The following CNBD1 variants were observed in gnomAD, a reference collection of about 807,000 sequenced individuals.
CNBD1 encodes cyclic nucleotide binding domain containing 1.
In CNBD1, 71 loss-of-function variants were observed where a neutral mutation model predicts 54.4. The observed-to-expected ratio is 1.30, with a 90% CI of 1.08 to 1.59. CNBD1 has a LOEUF of 1.59. Ranked by LOEUF, CNBD1 falls within the 40% of genes most tolerant of loss-of-function variation. CNBD1 has a pLI of 0.00. For synonymous variants in CNBD1, 182 were observed against 170.7 expected, an observed-to-expected ratio of 1.07 and a Z score of -0.51; for missense variants, 659 against 518.0, an observed-to-expected ratio of 1.27 and a Z score of -2.64.
intron 4 of CNBD1, among the ~76,000 whole-genome samples, chr8:87,174,194 G>C (rs1000848390): frequency 6.6e-6 from 1 of 151,942 alleles, no homozygotes; most frequent in Non-Finnish European, 1.5e-5. Flanking sequence ...TCTTGACCTC[G>C]TTATCTGCCC....
chr8:87,215,128 TATA>T (rs1242719654), intron 5 of CNBD1, among the ~76,000 whole-genome samples: 1 of 152,176 alleles, frequency 6.6e-6, no homozygotes, highest in African/African-American at 2.4e-5. Flanking sequence ...TGCATATCAT[TATA>T]ATAGAAAATT....
chr8:87,202,056 A>G (rs377232224), intron 4 of CNBD1, among the ~76,000 whole-genome samples: 9 of 152,364 alleles, frequency 5.9e-5, no homozygotes, highest in African/African-American at 2.2e-4. Context: ...AAATATATGT[A>G]GGCAAATATA....
intron 4 of CNBD1, among the ~76,000 whole-genome samples, chr8:86,972,026 C>G (rs1382739467): frequency 1.3e-5 from 2 of 151,900 alleles, no homozygotes; most frequent in Non-Finnish European, 2.9e-5. Context: ...GATCTCGGCT[C>G]ACTGCAACCT....
At chr8:87,342,309 ACT>A (rs1810081962) in intron 8 of CNBD1, among the ~76,000 whole-genome samples, 1 of 151,390 alleles carries the variant, frequency 6.6e-6, no homozygotes, top group Non-Finnish European at 1.5e-5. Context: ...TCATCTGTGT[ACT>A]CTTGTTGAAT....
chr8:87,261,736 T>A (rs187409682), intron 6 of CNBD1, among the ~76,000 whole-genome samples: 1 of 152,252 alleles, frequency 6.6e-6, no homozygotes, highest in East Asian at 1.9e-4. Context: ...TTTTCAGTCT[T>A]GTCTGACTAT....
At chr8:87,367,478 C>G (rs757540401) in intron 10 of CNBD1, among the ~76,000 whole-genome samples, 4 of 152,056 alleles carry the variant, frequency 2.6e-5, no homozygotes, top group African/African-American at 4.8e-5. Context: ...CTATCAGTCT[C>G]TATTCTCAAC....
intron 5 of CNBD1, among the ~76,000 whole-genome samples, chr8:87,221,074 G>C (rs1814324928): frequency 6.6e-6 from 1 of 151,864 alleles, no homozygotes; most frequent in South Asian, 2.1e-4. Context: ...GGTGTTTCTT[G>C]TCACTTTTCT....
chr8:87,108,105 AATAG>A (rs1303525207), intron 4 of CNBD1, among the ~76,000 whole-genome samples: 2 of 152,192 alleles, frequency 1.3e-5, no homozygotes, highest in African/African-American at 4.8e-5. Flanking sequence ...TAGTTTTGAA[AATAG>A]ATAGTTCCTG....
At chr8:87,223,375 A>G (rs893519629) in intron 5 of CNBD1, among the ~76,000 whole-genome samples, 3 of 151,246 alleles carry the variant, frequency 2.0e-5, no homozygotes, top group Non-Finnish European at 2.9e-5. Flanking sequence ...ATATCTCCCA[A>G]TGCTATCCCT....
chr8:87,006,970 G>T (rs1158834880), intron 4 of CNBD1, among the ~76,000 whole-genome samples: 1 of 152,212 alleles, frequency 6.6e-6, no homozygotes, highest in Non-Finnish European at 1.5e-5. Flanking sequence ...GCCAAGATAG[G>T]TGGATCACCT....
intron 6 of CNBD1, among the ~76,000 whole-genome samples, chr8:87,267,289 T>A (rs72666810): frequency 0.23 from 34,912 of 151,964 alleles, 4,680 homozygotes; most frequent in Admixed American, 0.33. Flanking sequence ...AAATAATTTG[T>A]ACATTTAAAA....
intron 6 of CNBD1, among the ~76,000 whole-genome samples, chr8:87,241,696 A>G (rs1807712150): frequency 6.6e-6 from 1 of 152,194 alleles, no homozygotes; most frequent in Non-Finnish European, 1.5e-5. Context: ...CAGGGAATAC[A>G]CAGTGATTAA....
chr8:87,361,112 T>A (rs914577396), intron 10 of CNBD1, among the ~76,000 whole-genome samples: 1 of 151,982 alleles, frequency 6.6e-6, no homozygotes, highest in Non-Finnish European at 1.5e-5. Context: ...TTTGCGTTTT[T>A]GCATTGTGAT....
intron 6 of CNBD1, among the ~76,000 whole-genome samples, chr8:87,239,097 C>T (rs1807637752): frequency 6.6e-6 from 1 of 152,072 alleles, no homozygotes; most frequent in East Asian, 1.9e-4. Context: ...AGCTGGCTGG[C>T]AGGCAGTTAA....
chr8:86,886,024 T>G (rs1339930818), intron 1 of CNBD1, among the ~76,000 whole-genome samples: 1 of 152,200 alleles, frequency 6.6e-6, no homozygotes, highest in Non-Finnish European at 1.5e-5. Context: ...TAAAGAATAT[T>G]TACTTTTTTA....
intron 4 of CNBD1, among the ~76,000 whole-genome samples, chr8:87,105,413 T>C (rs1811513286): frequency 6.6e-6 from 1 of 152,214 alleles, no homozygotes; most frequent in African/African-American, 2.4e-5. Context: ...GATAATGGTA[T>C]GATCTTAGGG....
intron 2 of CNBD1, among the ~76,000 whole-genome samples, chr8:87,388,370 G>GA (rs929861826): frequency 7.7e-6 from 1 of 130,530 alleles, no homozygotes; most frequent in African/African-American, 3.1e-5. Context: ...GACTAATGAA[G>GA]AAAAAAGAGA....
intron 8 of CNBD1, among the ~76,000 whole-genome samples, chr8:87,330,190 C>A (rs1442554725): frequency 1.4e-5 from 2 of 145,600 alleles, no homozygotes; most frequent in Non-Finnish European, 3.0e-5. Flanking sequence ...AGTGATGTCC[C>A]CTATTTTATT....
intron 8 of CNBD1, among the ~76,000 whole-genome samples, chr8:87,331,145 C>T (rs1182103071): frequency 6.6e-6 from 1 of 152,124 alleles, no homozygotes; most frequent in Non-Finnish European, 1.5e-5. Context: ...GTTTGCTGCA[C>T]CTATCAACCC....
Sources: gnomAD v4.1 joint callset for allele counts (sites outside exome capture counted in the v4.1 genomes callset) on GRCh38, gnomAD v4.1.1 for gene constraint, MANE v1.5 for transcripts, NCBI Gene and HGNC (gene_info 2026-07-23, HGNC 2026-07-21) for gene names.